Variants in NUP210L observed in about 807,000 individuals in gnomAD.
The protein encoded by NUP210L is nucleoporin 210 like, also known as nuclear pore membrane glycoprotein 210-like.
NUP210L carries 74 observed loss-of-function variants against 208.5 expected under a neutral mutation model. That is an observed-to-expected ratio of 0.35 (90% CI 0.29 to 0.43). The LOEUF (loss-of-function observed/expected upper bound fraction) is 0.43, where lower values mean the gene tolerates loss of function less well. Ranked by LOEUF, NUP210L falls within the 20% of genes least tolerant of loss-of-function variation. The probability of loss-of-function intolerance (pLI) is 1.00; values close to 1 mark genes in which losing one functional copy is unlikely to be tolerated. For missense variants in NUP210L, 1,843 were observed against 2,289.4 expected (o/e 0.81, Z 3.98); for synonymous variants, 780 against 816.9 (o/e 0.95, Z 0.77).
At chr1:153,997,016 T>A (rs1256767332) in intron 37 of NUP210L, among the ~76,000 whole-genome samples, 1 of 151,978 alleles carries the variant, frequency 6.6e-6, no homozygotes, top group Non-Finnish European at 1.5e-5. Flanking sequence ...CAGGCTGCAG[T>A]GCAATGGCAT....
chr1:154,056,709 T>G, intron 23 of NUP210L, 106 bp downstream of exon 23: 1 of 1,211,500 alleles, frequency 8.3e-7, no homozygotes, highest in East Asian at 2.6e-5. Context: ...TGTGAGCCAC[T>G]GTGCCCAGCC....
At chr1:154,091,600 A>C (rs972580500) in intron 15 of NUP210L, among the ~76,000 whole-genome samples, 10 of 149,020 alleles carry the variant, frequency 6.7e-5, no homozygotes, top group African/African-American at 2.5e-4. Flanking sequence ...TCCCAGGTTC[A>C]AGCGATTCTC....
intron 29 of NUP210L, among the ~76,000 whole-genome samples, chr1:154,027,117 A>C (rs1182776622): frequency 2.0e-5 from 3 of 151,342 alleles, no homozygotes; most frequent in African/African-American, 4.9e-5. Context: ...AAAACAAAAA[A>C]CACAAAACGT....
chr1:154,124,863 G>A (rs1657803369), intron 10 of NUP210L, among the ~76,000 whole-genome samples: 2 of 152,122 alleles, frequency 1.3e-5, no homozygotes, highest in Admixed American at 6.6e-5. Flanking sequence ...AAGGCAGGAG[G>A]ATCACTTGAG....
At chr1:154,082,093 A>C (rs1571250561) in intron 16 of NUP210L, among the ~76,000 whole-genome samples, 1 of 152,238 alleles carries the variant, frequency 6.6e-6, no homozygotes, top group East Asian at 1.9e-4. Flanking sequence ...TGGAGAGGGC[A>C]TGGACGCTGC....
chr1:154,017,015 T>C (rs1035849811), intron 33 of NUP210L, among the ~76,000 whole-genome samples: 10 of 151,436 alleles, frequency 6.6e-5, no homozygotes, highest in African/African-American at 2.4e-4. Flanking sequence ...CAGTGGCAGC[T>C]CATGCCTATA....
intron 12 of NUP210L, among the ~76,000 whole-genome samples, chr1:154,113,999 T>G (rs1194132802): frequency 2.0e-5 from 3 of 150,820 alleles, no homozygotes; most frequent in Non-Finnish European, 1.5e-5. Context: ...AAAAATTAGC[T>G]GGGCGTGGTA....
At chr1:154,048,396 T>C (rs981650607) in intron 25 of NUP210L, among the ~76,000 whole-genome samples, 4 of 152,214 alleles carry the variant, frequency 2.6e-5, no homozygotes, top group East Asian at 3.8e-4. Flanking sequence ...GGAAATATTA[T>C]AGCTATGTTT....
rs1553237359 is a variant in NUP210L at position 154,111,064 on chromosome 1, A to AG, written c.1620+6660_1620+6661insC. On this transcript the variant is annotated intron_variant, in intron 12 of 39. Transcript: ENST00000368559. Reference sequence around the variant, plus strand: ...CTTTAGCCAGACTAAAAAAAAAAAAAAGAGAGAGAGAGAGATGACCCAAAT... The same window carrying AG: ...CTTTAGCCAGACTAAAAAAAAAAAAAGAGAGAGAGAGAGAGATGACCCAAAT... Among the ~76,000 whole-genome samples the AG allele has an allele frequency of 1.4e-4, 21 of 150,730 alleles. 1 individual carries two copies. The highest frequency in any genetic ancestry group is 5.8e-4 in the East Asian group (3 of 5,142).
chr1:154,009,861 C>A, intron 35 of NUP210L, 111 bp downstream of exon 35: 1 of 795,410 alleles, frequency 1.3e-6, no homozygotes, highest in South Asian at 3.2e-5. Flanking sequence ...AAAGATTCCA[C>A]AGTTATATAT....
At chr1:154,040,870 C>T (rs963085111) in intron 27 of NUP210L, among the ~76,000 whole-genome samples, 7 of 152,140 alleles carry the variant, frequency 4.6e-5, no homozygotes, top group East Asian at 1.9e-4. Flanking sequence ...GGATTACAGG[C>T]GTGAGCCACC....
At chr1:154,118,616 T>G (rs2148099086) in intron 11 of NUP210L, 55 bp downstream of exon 11, 2 of 1,180,390 alleles carry the variant, frequency 1.7e-6, no homozygotes, top group Non-Finnish European at 2.3e-6. Context: ...TTCAATAAAT[T>G]AAGCTATTAG....
chr1:153,993,096 A>G lies in NUP210L; in HGVS notation c.5492-7T>C, dbSNP rs768806299. The G allele has an allele frequency of 3.4e-5, 54 of 1,608,116 alleles. No individual in the cohort carries two copies. In the East Asian group the frequency reaches 1.1e-3, roughly 34 times the overall value. ...TTTAGGAAGGCATTGTATGCTGGAA[A>G]AAGGACAGGAAATGTCACAAGGCAT... On this transcript the variant is annotated splice_region_variant and splice_polypyrimidine_tract_variant and intron_variant, in intron 38 of 39. Transcript: ENST00000368559.
intron 12 of NUP210L, among the ~76,000 whole-genome samples, chr1:154,114,421 T>C (rs767171857): frequency 6.6e-6 from 1 of 152,182 alleles, no homozygotes; most frequent in Non-Finnish European, 1.5e-5. Context: ...CATATGTTCT[T>C]CCTGGGAAAA....
chr1:154,134,765 T>A (rs1658444552), intron 7 of NUP210L, among the ~76,000 whole-genome samples: 1 of 139,122 alleles, frequency 7.2e-6, no homozygotes, highest in Non-Finnish European at 1.6e-5. Flanking sequence ...GATGGAGTTT[T>A]GCTCTTGTTG....
chr1:154,038,672 C>T (rs1175868055), intron 27 of NUP210L, among the ~76,000 whole-genome samples: 1 of 152,074 alleles, frequency 6.6e-6, no homozygotes, highest in Non-Finnish European at 1.5e-5. Context: ...TGTTGCCTAG[C>T]CTGGACTTGA....
At chr1:154,062,567 C>CTTTTTTTTTTTTTTTTTTTTTTTTTTTTT (rs34499821) in intron 17 of NUP210L, among the ~76,000 whole-genome samples, 1 of 74,976 alleles carries the variant, frequency 1.3e-5, no homozygotes, top group Non-Finnish European at 2.3e-5. Context: ...TTTCTTTTTC[C>CTTTTTTTTTTTTTTTTTTTTTTTTTTTTT]TTTTTTTTTT....
At chr1:154,004,228 C>A (rs1020763877) in intron 35 of NUP210L, among the ~76,000 whole-genome samples, 7 of 150,168 alleles carry the variant, frequency 4.7e-5, no homozygotes, top group African/African-American at 1.5e-4. Context: ...ACCACCACGC[C>A]CGGCTAATTT....
exon 11 of NUP210L, chr1:154,118,788 T>A (rs753431277): frequency 1.3e-6 from 2 of 1,580,122 alleles, no homozygotes; most frequent in Admixed American, 3.4e-5. Context: ...TTAGAAATTT[T>A]ATAGGCTGAA....
Sources: allele counts gnomAD v4.1 joint callset (sites outside exome capture counted in the v4.1 genomes callset), GRCh38; gene constraint gnomAD v4.1.1; transcripts MANE v1.5; gene names NCBI Gene and HGNC (gene_info 2026-07-23, HGNC 2026-07-21).